Variants in DLG2 observed in about 807,000 individuals in gnomAD.
The protein encoded by DLG2 is disks large homolog 2.
DLG2 carries 45 observed loss-of-function variants against 132.5 expected under a neutral mutation model. The observed-to-expected ratio is 0.34, with a 90% confidence interval of 0.27 to 0.44. The LOEUF is 0.44. DLG2 is among the 20% of genes least tolerant of loss of function. The pLI is 1.00. For synonymous variants in DLG2, 424 were observed against 419.6 expected (o/e 1.01, Z -0.13); for missense variants, 1,045 against 1,196.9 (o/e 0.87, Z 1.87).
At chr11:85,314,468 TA>T (rs1176312352) in intron 3 of DLG2, among the ~76,000 whole-genome samples, 3 of 151,834 alleles carry the variant, frequency 2.0e-5, no homozygotes, top group African/African-American at 7.3e-5. Flanking sequence ...CAAACATACA[TA>T]TATATTATAC....
intron 6 of DLG2, among the ~76,000 whole-genome samples, chr11:84,609,002 G>C (rs1403281226): frequency 1.2e-4 from 19 of 152,174 alleles, no homozygotes; most frequent in Admixed American, 1.2e-3. Context: ...AATTGAAACA[G>C]AGGCAGTTTG....
In DLG2 at chr11:84,408,989, A is replaced by G. The variant is rs367889946; in HGVS notation, c.519+125581T>C. On this transcript the variant is annotated intron_variant, in intron 7 of 27. Coordinates refer to ENST00000376104, the MANE Select transcript of DLG2 (RefSeq NM_001142699.3). ...GCTGCTAATCTGATCACATCACTCT[A>G]AAGTTTAAAATCCTCCGATGACTCA... 1.8e-3 allele frequency among the ~76,000 whole-genome samples: 278 copies of G among 152,228 alleles called. 4 individuals are homozygous for G. The highest frequency in any genetic ancestry group is 6.4e-3 in the African/African-American group (264 of 41,542).
At position 85,442,703 on chromosome 11, in the gene DLG2, T is replaced by TA. The variant is rs202029625; in HGVS notation, c.40+155953dup. Among the ~76,000 whole-genome samples, 83 of 149,372 alleles carry TA rather than the reference T, an allele frequency of 5.6e-4. 1 individual carries two copies. Among genetic ancestry groups the TA allele is most frequent in the East Asian group, 2.2e-3 (11 of 5,096 alleles). ...ATAGCAAGACCTGTCTCTACCTAAATAAAAAAAAATAAAAAATAAATTAAA... is the reference window on the plus strand; with the variant it reads ...ATAGCAAGACCTGTCTCTACCTAAATAAAAAAAAAATAAAAAATAAATTAAA... On this transcript the variant is annotated intron_variant, in intron 3 of 27. Coordinates refer to ENST00000376104, the MANE Select transcript of DLG2 (RefSeq NM_001142699.3).
At chr11:84,538,599 T>G (rs546285692) in intron 6 of DLG2, among the ~76,000 whole-genome samples, 1 of 127,068 alleles carries the variant, frequency 7.9e-6, no homozygotes, top group African/African-American at 3.0e-5. Flanking sequence ...ACTCCCTATG[T>G]TTTTTTTTTT....
chr11:84,923,124 T>C, intron 6 of DLG2: 1 of 1,613,772 alleles, frequency 6.2e-7, no homozygotes, highest in Non-Finnish European at 8.5e-7. Flanking sequence ...AACATTGCAG[T>C]AAATAAGGAG....
At chr11:85,215,890 C>G (rs937964903) in intron 4 of DLG2, among the ~76,000 whole-genome samples, 11 of 151,998 alleles carry the variant, frequency 7.2e-5, no homozygotes, top group Admixed American at 2.0e-4. Context: ...AAAAAGGTTT[C>G]TTATCCCTCA....
At chr11:84,910,766 AAC>A (rs1396490466) in intron 6 of DLG2, among the ~76,000 whole-genome samples, 11 of 36,686 alleles carry the variant, frequency 3.0e-4, no homozygotes, top group Admixed American at 2.0e-3. Context: ...AAGAAAAAAC[AAC>A]AACAACAACA....
intron 27 of DLG2, 69 bp from the exon 28 acceptor site, chr11:83,459,993 A>G (rs2089574689): frequency 1.2e-6 from 1 of 856,246 alleles, no homozygotes; most frequent in East Asian, 2.5e-5. Context: ...ATCATCACTT[A>G]CACATTGGAG....
chr11:83,844,719 C>T (rs2058299717), intron 16 of DLG2, among the ~76,000 whole-genome samples: 1 of 152,020 alleles, frequency 6.6e-6, no homozygotes, highest in Non-Finnish European at 1.5e-5. Context: ...ATCTCCAGAG[C>T]TGTGAGGTCG....
At chr11:85,592,450 A>T (rs2079421635) in intron 3 of DLG2, among the ~76,000 whole-genome samples, 1 of 152,176 alleles carries the variant, frequency 6.6e-6, no homozygotes, top group African/African-American at 2.4e-5. Context: ...TGAGATTGTG[A>T]GTGGCAGCAA....
chr11:83,726,280 CT>C (rs1004327025), intron 18 of DLG2, among the ~76,000 whole-genome samples: 1 of 152,064 alleles, frequency 6.6e-6, no homozygotes, highest in Non-Finnish European at 1.5e-5. Context: ...TGACAAAGGG[CT>C]TCCCTCGATG....
intron 6 of DLG2, among the ~76,000 whole-genome samples, chr11:85,074,880 A>T (rs1157657863): frequency 6.6e-6 from 1 of 151,910 alleles, no homozygotes; most frequent in Non-Finnish European, 1.5e-5. Context: ...TGAACAAGTA[A>T]ATCTAGAGAG....
At chr11:83,564,774 C>G (rs2096673648) in intron 19 of DLG2, among the ~76,000 whole-genome samples, 1 of 152,084 alleles carries the variant, frequency 6.6e-6, no homozygotes, top group African/African-American at 2.4e-5. Context: ...ATAATGCCTC[C>G]CCATTCGTCA....
intron 21 of DLG2, among the ~76,000 whole-genome samples, chr11:83,491,091 T>TAA (rs2093814850): frequency 6.6e-6 from 1 of 150,988 alleles, no homozygotes; most frequent in Non-Finnish European, 1.5e-5. Context: ...AAATACTTAA[T>TAA]AAAAGTAGCT....
Position 85,159,358 on chromosome 11 carries a change from C to T in DLG2, c.187-4707G>A, listed in dbSNP as rs115017812. Among the ~76,000 whole-genome samples, 287 of 152,290 alleles carry T rather than the reference C, an allele frequency of 1.9e-3. 1 individual carries two copies. Among genetic ancestry groups the T allele is most frequent in the African/African-American group, 6.7e-3 (279 of 41,558 alleles). On this transcript the variant is annotated intron_variant, in intron 4 of 27. Transcript: ENST00000376104. The stretch of plus-strand genomic sequence containing the variant: ...AGCTGGCAGAACCTCCACATTGGCT[C>T]CATGACTGGTAGAGTGAGGGCTATT...
intron 6 of DLG2, among the ~76,000 whole-genome samples, chr11:84,655,718 T>C (rs1011746472): frequency 6.6e-6 from 1 of 150,478 alleles, no homozygotes. Flanking sequence ...GACCAAACTG[T>C]ACTTTGTTTT....
intron 7 of DLG2, among the ~76,000 whole-genome samples, chr11:84,280,577 T>C (rs1156867841): frequency 2.0e-5 from 3 of 152,108 alleles, no homozygotes; most frequent in Admixed American, 6.6e-5. Flanking sequence ...GCAAGGCATG[T>C]ACACTGAAAA....
At chr11:84,272,858 T>A (rs2097744745) in intron 7 of DLG2, among the ~76,000 whole-genome samples, 1 of 152,138 alleles carries the variant, frequency 6.6e-6, no homozygotes, top group East Asian at 1.9e-4. Context: ...ATATGGAATA[T>A]CAATATTGTT....
intron 6 of DLG2, among the ~76,000 whole-genome samples, chr11:84,921,125 A>T (rs1309215756): frequency 6.6e-6 from 1 of 152,164 alleles, no homozygotes; most frequent in African/African-American, 2.4e-5. Flanking sequence ...AAATAGATAA[A>T]AATATTAGAT....
Sources: allele counts gnomAD v4.1 joint callset (sites outside exome capture counted in the v4.1 genomes callset), GRCh38; gene constraint gnomAD v4.1.1; transcripts MANE v1.5; gene names NCBI Gene and HGNC (gene_info 2026-07-23, HGNC 2026-07-21).